The following SEC23A variants were observed in gnomAD, a reference collection of about 807,000 sequenced individuals.
The protein encoded by SEC23A is protein transport protein Sec23A.
In SEC23A, 56 loss-of-function variants were observed where a neutral mutation model predicts 103.7. The ratio of observed to expected loss-of-function variants is 0.54; its 90% CI spans 0.44 to 0.67. SEC23A has a LOEUF of 0.67. Ranked by LOEUF, SEC23A falls within the 30% of genes least tolerant of loss-of-function variation. The pLI is 0.00. For missense variants in SEC23A, 784 were observed against 936.4 expected, an observed-to-expected ratio of 0.84 and a Z score of 2.12; for synonymous variants, 281 against 293.0, an observed-to-expected ratio of 0.96 and a Z score of 0.42.
chr14:39,081,676 A>G (rs1887229988), intron 7 of SEC23A, among the ~76,000 whole-genome samples: 1 of 152,306 alleles, frequency 6.6e-6, no homozygotes, highest in Admixed American at 6.5e-5. Flanking sequence ...ATGAGTTACA[A>G]ATATGGAAAA....
intron 4 of SEC23A, among the ~76,000 whole-genome samples, chr14:39,092,103 A>G (rs560254246): frequency 5.1e-4 from 78 of 152,360 alleles, no homozygotes; most frequent in African/African-American, 1.7e-3. Context: ...TTCATAAAAG[A>G]TATTACTTCC....
Position 39,086,977 on chromosome 14 carries a change from G to GT in SEC23A, c.634dup (p.Thr212AsnfsTer94). The GT allele has an allele frequency of 6.3e-7, 1 of 1,594,030 alleles. No homozygotes were observed. Among genetic ancestry groups the GT allele is most frequent in the East Asian group, 2.2e-5 (1 of 44,788 alleles). ...TACCTGAGGACCACGTGTTGCTTGAGTAAGTGGTACTTTAGAGAGCCCCAG... is the reference window on the plus strand; with the variant it reads ...TACCTGAGGACCACGTGTTGCTTGAGTTAAGTGGTACTTTAGAGAGCCCCAG... On this transcript the variant is annotated frameshift_variant, in exon 6 of 20. Transcript: ENST00000307712. LOFTEE classifies it high-confidence loss of function.
chr14:39,073,649 G>A (rs58601678), intron 9 of SEC23A, among the ~76,000 whole-genome samples: 13,201 of 119,428 alleles, frequency 0.11, 825 homozygotes, highest in East Asian at 0.34. Context: ...TAACTCTATC[G>A]CCAAGGCTGG....
rs201319291 is a variant in SEC23A at position 39,099,051 on chromosome 14, A to G, written c.-21-2912T>C. On this transcript the variant is annotated intron_variant, in intron 1 of 19. Coordinates refer to ENST00000307712, the MANE Select transcript of SEC23A (RefSeq NM_006364.4). ...TAGGTATTACACAGATATTTTCTCA[A>G]AAATGTATGAAGTAAACCTATCACT... Among the ~76,000 whole-genome samples the G allele has an allele frequency of 3.3e-5, 5 of 152,188 alleles. No individual in the cohort carries two copies. The East Asian group carries it at 9.6e-4, about 29-fold the overall frequency.
At chr14:39,096,644 A>C (rs1887903863) in intron 1 of SEC23A, among the ~76,000 whole-genome samples, 1 of 152,188 alleles carries the variant, frequency 6.6e-6, no homozygotes, top group African/African-American at 2.4e-5. Context: ...GCCCAATAAG[A>C]GGTATTTAAC....
rs1426071395 is a variant in SEC23A at position 39,091,469 on chromosome 14, T to G, written c.603+8A>C. 6.3e-7 allele frequency: 1 copy of G among 1,599,486 alleles called. No individual in the cohort carries two copies. The highest frequency in any genetic ancestry group is 8.6e-7 in the Non-Finnish European group (1 of 1,166,856). ...AGATAGGTAAAAACTACCATTCTTGTTGTTTACCTGCAGTTGTTTGGCAGA... is the reference window on the plus strand; with the variant it reads ...AGATAGGTAAAAACTACCATTCTTGGTGTTTACCTGCAGTTGTTTGGCAGA... On this transcript the variant is annotated splice_region_variant and intron_variant, in intron 5 of 19. Transcript: ENST00000307712.
rs11418467 is a variant in SEC23A at position 39,033,335 on chromosome 14, G to GA, written c.2209-8dup. ...GAATAGGTGCTCCAGACTCCTAGAG[G>GA]AAAAAAGATATTTGTTATGATTAAA... On this transcript the variant is annotated splice_polypyrimidine_tract_variant and splice_region_variant and intron_variant, in intron 19 of 19. Transcript: ENST00000307712. The GA allele has an allele frequency of 0.92, 1,302,684 of 1,411,282 alleles. 602,938 individuals are homozygous for GA. Among genetic ancestry groups the GA allele is most frequent in the East Asian group, 0.97 (38,980 of 40,008 alleles). 87.4% of individuals were successfully genotyped at this position (1,411,282 alleles called of 1,614,324 possible).
intron 17 of SEC23A, chr14:39,041,553 A>G (rs1005321927): frequency 5.3e-5 from 8 of 151,622 alleles, no homozygotes; most frequent in Admixed American, 3.9e-4. Context: ...ATAATTTACA[A>G]TAATAATAAT....
intron 16 of SEC23A, among the ~76,000 whole-genome samples, chr14:39,044,918 G>T (rs1317280964): frequency 6.6e-6 from 1 of 151,954 alleles, no homozygotes; most frequent in Non-Finnish European, 1.5e-5. Context: ...AAAATGATCT[G>T]AAAGTCTCTT....
intron 2 of SEC23A, among the ~76,000 whole-genome samples, chr14:39,094,237 TGC>T (rs1887763709): frequency 2.0e-5 from 2 of 100,186 alleles, no homozygotes; most frequent in African/African-American, 3.3e-5. Context: ...TATATATATA[TGC>T]ATATATACAC....
Position 39,075,950 on chromosome 14 carries a change from A to C in SEC23A, c.972T>G (p.Val324=). ...TCAAAATTACCTTAGTTCCCTTTTTAACATATTTGGCATTGTCTTTGTCAA... is the reference window on the plus strand; with the variant it reads ...TCAAAATTACCTTAGTTCCCTTTTTCACATATTTGGCATTGTCTTTGTCAA... ...HDIDKDNAKY[V]KKGTKHFEAL... The change falls in exon 8 of 20, where the codon GTT becomes GTG. Residue 324 remains valine, a synonymous_variant. Coordinates refer to ENST00000307712, the MANE Select transcript of SEC23A (RefSeq NM_006364.4). The C allele has an allele frequency of 1.2e-6, 2 of 1,614,008 alleles. No homozygotes were observed. The highest frequency in any genetic ancestry group is 1.7e-4 in the Middle Eastern group (1 of 6,058).
At chr14:39,073,484 G>A (rs921185491) in intron 9 of SEC23A, among the ~76,000 whole-genome samples, 11 of 151,826 alleles carry the variant, frequency 7.2e-5, no homozygotes, top group Non-Finnish European at 1.5e-4. Context: ...AGTAGAGACA[G>A]GGTTTCACCA....
At chr14:39,086,167 G>A (rs1281527547) in intron 6 of SEC23A, among the ~76,000 whole-genome samples, 2 of 152,116 alleles carry the variant, frequency 1.3e-5, no homozygotes, top group East Asian at 1.9e-4. Context: ...TAGGTGACAC[G>A]TGATGATAAC....
At chr14:39,101,769 A>C (rs1259014598) in intron 1 of SEC23A, among the ~76,000 whole-genome samples, 1 of 152,220 alleles carries the variant, frequency 6.6e-6, no homozygotes, top group Non-Finnish European at 1.5e-5. Context: ...GTTGCCAATT[A>C]AATTTGTCTC....
chr14:39,072,744 A>G (rs1015600571), intron 9 of SEC23A, among the ~76,000 whole-genome samples: 3 of 152,150 alleles, frequency 2.0e-5, no homozygotes, highest in African/African-American at 4.8e-5. Context: ...AGCCCTGGAC[A>G]TTGTGGCTAC....
intron 19 of SEC23A, among the ~76,000 whole-genome samples, chr14:39,038,736 C>T (rs559380830): frequency 6.6e-6 from 1 of 152,298 alleles, no homozygotes; most frequent in South Asian, 2.1e-4. Flanking sequence ...CTTGGCTTAT[C>T]GTGGCCTTTT....
intron 17 of SEC23A, chr14:39,041,126 T>G (rs1885622557): frequency 2.6e-6 from 1 of 384,956 alleles, no homozygotes; most frequent in African/African-American, 2.1e-5. Context: ...GTCAGAAAAT[T>G]TTTAAAACAC....
chr14:39,077,532 A>G (rs1887077374), intron 7 of SEC23A, among the ~76,000 whole-genome samples: 1 of 151,674 alleles, frequency 6.6e-6, no homozygotes, highest in African/African-American at 2.4e-5. Context: ...ACACGGTAAG[A>G]CTCTGTCAAA....
intron 7 of SEC23A, among the ~76,000 whole-genome samples, chr14:39,079,917 T>C (rs536244411): frequency 2.0e-5 from 3 of 152,322 alleles, no homozygotes; most frequent in South Asian, 2.1e-4. Flanking sequence ...GTATATACCA[T>C]TGCATATTGT....
Sources: allele counts gnomAD v4.1 joint callset (sites outside exome capture counted in the v4.1 genomes callset), GRCh38; gene constraint gnomAD v4.1.1; transcripts MANE v1.5; gene names NCBI Gene and HGNC (gene_info 2026-07-23, HGNC 2026-07-21).